ABCA2: variants seen among roughly 807,000 people sequenced by gnomAD.
The protein encoded by ABCA2 is ATP binding cassette subfamily A member 2, also known as ATP-binding cassette sub-family A member 2.
ABCA2 carries 84 observed loss-of-function variants against 262.8 expected under a neutral mutation model. That is an observed-to-expected ratio of 0.32 (90% confidence interval 0.27 to 0.38). ABCA2 has a LOEUF of 0.38. Ranked by LOEUF, ABCA2 falls within the 10% of genes least tolerant of loss-of-function variation. ABCA2 has a pLI of 1.00. For missense variants in ABCA2, 2,662 were observed against 3,405.9 expected (o/e 0.78, Z 5.44); for synonymous variants, 1,696 against 1,502.9 (o/e 1.13, Z -2.97).
intron 40 of ABCA2, 100 bp from the exon 41 acceptor site, chr9:137,010,471 G>A (rs746560687): frequency 4.1e-6 from 6 of 1,472,160 alleles, no homozygotes; most frequent in Admixed American, 2.1e-5. Flanking sequence ...AGCCCAGGGG[G>A]CCACGTGCCC....
In ABCA2 at chr9:137,017,221, A is replaced by T; in HGVS notation, c.2528T>A (p.Ile843Asn). ...AIREEVAHDK[I>N]TAFEKCIASL... ...CGCGATGCACTTCTCGAAGGCCGTG[A>T]TCTTATCATGCGCCACCTCCTCTCG... Residue 843 changes from isoleucine (I) to asparagine (N), a missense_variant, in exon 18 of 49, where the codon ATC becomes AAC. Physicochemically the swap from Ile to Asn is moderately radical, Grantham distance 149. Coordinates refer to ENST00000341511, the MANE Select transcript of ABCA2 (RefSeq NM_001606.5). 2 of 1,612,510 alleles carry T rather than the reference A, an allele frequency of 1.2e-6. No individual in the cohort carries two copies. The highest frequency in any genetic ancestry group is 1.7e-6 in the Non-Finnish European group (2 of 1,179,884).
rs990229804 is a variant in ABCA2, at chr9:137,025,857, G to A, written c.67-1621C>T. On this transcript the variant is annotated intron_variant, in intron 1 of 48. Transcript: ENST00000341511. ...AGGAGGAGAGTCCTGGCTGGCAGGC[G>A]GCGGGCGCCACAGCAGCATCTGGTT... 2.6e-5 allele frequency among the ~76,000 whole-genome samples: 4 copies of A among 152,344 alleles called. No homozygotes were observed. The South Asian group carries it at 6.2e-4, about 24-fold the overall frequency.
rs751034019 is a variant in ABCA2, at chr9:137,007,752, C to T, written c.*177G>A. 4.2e-4 allele frequency: 352 copies of T among 843,128 alleles called. No homozygotes were observed. Among genetic ancestry groups the T allele is most frequent in the Admixed American group, 4.1e-4 (18 of 43,606 alleles). 52.2% of individuals were successfully genotyped at this position (843,128 alleles called of 1,614,324 possible). A position where few individuals can be genotyped will look rare whatever the true frequency, so the allele number is the denominator to read the frequency against. ...CTTTGGCACAATTAGGGGCGGCAAC[C>T]GCAGTGACCACAGGGCATGGCCGAG... On this transcript the variant is annotated 3_prime_UTR_variant, in exon 49 of 49. Transcript: ENST00000341511.
chr9:137,012,128 G>C lies in ABCA2; in HGVS notation c.5334C>G (p.Thr1778=), dbSNP rs767707168. Residue 1778 remains threonine, a synonymous_variant, in exon 34 of 49, where the codon ACC becomes ACG. Transcript: ENST00000341511. ...ITVTNHPMNK[T]SASLSLDYLL... ...GGTAATCCAGGGAGAGGCTGGCGCT[G>C]GTCTTATTCATGGGGTGGTTGGTGA... 1.2e-6 allele frequency: 2 copies of C among 1,612,392 alleles called. No homozygotes were observed. The highest frequency in any genetic ancestry group is 2.7e-5 in the African/African-American group (2 of 74,846).
chr9:137,022,205 A>C, intron 6 of ABCA2, 146 bp downstream of exon 6: 1 of 413,906 alleles, frequency 2.4e-6, no homozygotes, highest in Non-Finnish European at 2.8e-6. Context: ...TGGCTCAGAG[A>C]GTGGGGGCGT....
rs748860183 is a variant in ABCA2, at chr9:137,008,719, T to C, written c.7068+12A>G. 1 of 1,572,926 alleles carries C rather than the reference T, an allele frequency of 6.4e-7. No homozygotes were observed. Among genetic ancestry groups the C allele is most frequent in the Non-Finnish European group, 8.6e-7 (1 of 1,160,126 alleles). On this transcript the variant is annotated intron_variant, in intron 47 of 48. Transcript: ENST00000341511. The stretch of plus-strand genomic sequence containing the variant: ...GGGCAGGTGTGGTGCGCAGTGCCCT[T>C]GGGGCGCTCACATTGTCCAGTGTGG...
chr9:137,009,124 C>T, intron 45 of ABCA2, 71 bp from the exon 46 acceptor site: 2 of 1,458,626 alleles, frequency 1.4e-6, no homozygotes, highest in East Asian at 4.7e-5. Flanking sequence ...AGCCTCCCAG[C>T]CCTACAGCCC....
chr9:137,019,211 GC>G lies in ABCA2; in HGVS notation c.1520del (p.Gly507AlafsTer14). The G allele has an allele frequency of 6.2e-7, 1 of 1,612,644 alleles. No individual in the cohort carries two copies. Among genetic ancestry groups the G allele is most frequent in the Non-Finnish European group, 8.5e-7 (1 of 1,179,892 alleles). Reference protein sequence around the residue: ...SAEIRSFLEQGRLQQHLRWLQ... With the variant: ...SAEIRSFLEQXRLQQHLRWLQ... ...GCCAGCGCAGGTGTTGCTGCAGCCT[GC>G]CCTGCTCCAGGAAGCTGCGGATCTC... is the stretch of plus-strand genomic sequence containing the variant. On this transcript the variant is annotated frameshift_variant, in exon 11 of 49. Transcript: ENST00000341511. LOFTEE classifies it high-confidence loss of function. The surrounding 1 kb of genome is among the most constrained non-coding windows in gnomAD (Gnocchi z 4.4).
chr9:137,018,418 G>C, intron 13 of ABCA2, 67 bp from the exon 14 acceptor site: 2 of 285,394 alleles, frequency 7.0e-6, no homozygotes, highest in Non-Finnish European at 1.2e-5. Flanking sequence ...GGGGGGGAAA[G>C]CAAGGCACGG....
chr9:137,015,699 C>T lies in ABCA2; in HGVS notation c.3490G>A (p.Asp1164Asn). The T allele has an allele frequency of 6.2e-7, 1 of 1,609,898 alleles. No individual in the cohort carries two copies. Among genetic ancestry groups the T allele is most frequent in the African/African-American group, 1.3e-5 (1 of 74,998 alleles). ...VDPYARRAIWDLILKYKPGRT... is the reference protein window; with the variant it reads ...VDPYARRAIWNLILKYKPGRT... ...CCTGGCTTGTACTTCAGGATGAGGTCCCAGATGGCGCGGCGCGCGTAGGGG... is the reference window on the plus strand; with the variant it reads ...CCTGGCTTGTACTTCAGGATGAGGTTCCAGATGGCGCGGCGCGCGTAGGGG... Residue 1164 changes from aspartate to asparagine, a missense_variant, in exon 23 of 49, where the codon GAC becomes AAC. Physicochemically the swap from Asp to Asn is conservative, Grantham distance 23. Around this residue, in one of 12 missense-constraint regions of ABCA2, gnomAD observed 180 missense variants for 307.3 expected, o/e 0.59. Coordinates refer to ENST00000341511, the MANE Select transcript of ABCA2 (RefSeq NM_001606.5).
At position 137,022,978 on chromosome 9, in the gene ABCA2, G is replaced by T. The variant is rs1421756711; in HGVS notation, c.238C>A (p.Arg80=). ...VMQSLCPDGQ[R]DEFGFLQYAN... The stretch of plus-strand genomic sequence containing the variant: ...TACTGCAGGAAGCCGAACTCGTCTC[G>T]CTGGCCGTCCGGGCACAGCGATTGC... The change falls in exon 4 of 49, where the codon CGA becomes AGA. Residue 80 remains arginine, a synonymous_variant. Coordinates refer to ENST00000341511, the MANE Select transcript of ABCA2 (RefSeq NM_001606.5). The T allele has an allele frequency of 1.3e-6, 2 of 1,590,842 alleles. No homozygotes were observed. The highest frequency in any genetic ancestry group is 3.5e-5 in the Admixed American group (2 of 56,650).
In ABCA2 at chr9:137,007,988, T is replaced by A. The variant is rs750094269; in HGVS notation, c.7276-24A>T. ...GCCTGTGCACAGGGGAGGTCAGGCT[T>A]ATGGGGCATCCTGTGCCACCCCCTG... On this transcript the variant is annotated intron_variant, in intron 48 of 48. Transcript: ENST00000341511. The A allele has an allele frequency of 1.9e-6, 3 of 1,597,878 alleles. No individual in the cohort carries two copies. In the South Asian group the frequency reaches 3.3e-5, roughly 18 times the overall value.
chr9:137,028,454 C>T (rs556410592), upstream of ABCA2, among the ~76,000 whole-genome samples: 102 of 150,386 alleles, frequency 6.8e-4, 1 homozygote, highest in African/African-American at 2.5e-3. This position sits in a 1 kb window ranked among gnomAD's most constrained non-coding sequence, Gnocchi z 6.9. Context: ...TCCGGGCCGC[C>T]CCTCGCCGGG....
chr9:137,014,546 G>T (rs1379726496), intron 26 of ABCA2, 142 bp from the exon 27 acceptor site: 2 of 1,459,758 alleles, frequency 1.4e-6, no homozygotes, highest in South Asian at 1.4e-5. Flanking sequence ...ACCCACCTAG[G>T]ACCGCAGGCT....
rs780796744 is a variant in ABCA2 at position 137,023,825 on chromosome 9, G to C, written c.163+13C>G. On this transcript the variant is annotated intron_variant, in intron 3 of 48. Coordinates refer to ENST00000341511, the MANE Select transcript of ABCA2 (RefSeq NM_001606.5). ...TGCCCAGGCCAGCCAGGAGGAGGTGGCCGCTCACTTACAGACTGCATGCCA... is the reference window on the plus strand; with the variant it reads ...TGCCCAGGCCAGCCAGGAGGAGGTGCCCGCTCACTTACAGACTGCATGCCA... 2.6e-6 allele frequency: 2 copies of C among 777,928 alleles called. No homozygotes were observed. The highest frequency in any genetic ancestry group is 1.7e-5 in the African/African-American group (1 of 59,374). 48.2% of individuals were successfully genotyped at this position (777,928 alleles called of 1,614,324 possible).
intron 47 of ABCA2, 21 bp downstream of exon 47, chr9:137,008,710 C>T (rs1472166198): frequency 6.4e-7 from 1 of 1,569,620 alleles, no homozygotes; most frequent in South Asian, 1.2e-5. Context: ...GTGTGGTGCG[C>T]AGTGCCCTTG....
chr9:137,016,198 A>G (rs1457643735), intron 21 of ABCA2, 24 bp from the exon 22 acceptor site: 8 of 1,611,472 alleles, frequency 5.0e-6, no homozygotes, highest in Non-Finnish European at 8.5e-7. Flanking sequence ...CGGGGTCATG[A>G]CCCCACGCCC....
chr9:137,012,397 A>G (rs766122058), intron 32 of ABCA2, 21 bp from the exon 33 acceptor site: 1 of 1,610,190 alleles, frequency 6.2e-7, no homozygotes, highest in East Asian at 2.2e-5. Flanking sequence ...AAGAGGACAC[A>G]GAAAGGCCCC....
At chr9:137,025,880 G>T (rs1831637548) in intron 1 of ABCA2, among the ~76,000 whole-genome samples, 1 of 152,204 alleles carries the variant, frequency 6.6e-6, no homozygotes, top group African/African-American at 2.4e-5. Context: ...GCAGCATCTG[G>T]TTACAGGCGG....
Sources: allele counts gnomAD v4.1 joint callset (sites outside exome capture counted in the v4.1 genomes callset), GRCh38; gene constraint gnomAD v4.1.1; regional missense constraint gnomAD v4.1.1; non-coding constraint Gnocchi (gnomAD v3.1); transcripts MANE v1.5; gene names NCBI Gene and HGNC (gene_info 2026-07-23, HGNC 2026-07-21).